Variants in EYS observed in about 807,000 individuals in gnomAD.
EYS encodes EGF-like photoreceptor maintenance factor.
EYS carries 250 observed loss-of-function variants against 282.1 expected under a neutral mutation model. The ratio of observed to expected loss-of-function variants is 0.89; its 90% confidence interval spans 0.80 to 0.98. EYS has a LOEUF of 0.98. EYS is among the 50% of genes least tolerant of loss of function. The pLI is 0.00. For missense variants in EYS, 4,016 were observed against 3,709.0 expected, an observed-to-expected ratio of 1.08 and a Z score of -2.15; for synonymous variants, 1,355 against 1,282.9, an observed-to-expected ratio of 1.06 and a Z score of -1.20.
chr6:63,895,346 T>C (rs1005166774), intron 35 of EYS, among the ~76,000 whole-genome samples: 1 of 152,208 alleles, frequency 6.6e-6, no homozygotes, highest in Non-Finnish European at 1.5e-5. Context: ...CAATAATCAT[T>C]GAATTGGCAT....
chr6:65,560,702 T>C (rs971140475), intron 2 of EYS, among the ~76,000 whole-genome samples: 3 of 152,038 alleles, frequency 2.0e-5, no homozygotes, highest in Non-Finnish European at 2.9e-5. Flanking sequence ...AGTTAAAGCA[T>C]ATTAAATGGA....
intron 12 of EYS, among the ~76,000 whole-genome samples, chr6:65,181,336 A>G (rs1049733783): frequency 4.6e-5 from 7 of 152,194 alleles, no homozygotes; most frequent in African/African-American, 1.7e-4. Context: ...TCCAGAATCT[A>G]CAATGGACTC....
At chr6:65,371,107 A>T (rs1019687282) in intron 8 of EYS, among the ~76,000 whole-genome samples, 1 of 151,800 alleles carries the variant, frequency 6.6e-6, no homozygotes. Context: ...GATTCAACCA[A>T]CTGTGGCTGA....
At chr6:64,824,587 T>A (rs1054943365) in intron 19 of EYS, among the ~76,000 whole-genome samples, 1 of 151,896 alleles carries the variant, frequency 6.6e-6, no homozygotes, top group Non-Finnish European at 1.5e-5. Flanking sequence ...TCCGTATCAC[T>A]ATGTAGAATG....
intron 13 of EYS, among the ~76,000 whole-genome samples, chr6:65,052,378 A>C (rs1441837224): frequency 6.6e-6 from 1 of 151,552 alleles, no homozygotes; most frequent in African/African-American, 2.4e-5. Context: ...CCCCTACTTA[A>C]TACATTTTGT....
chr6:64,071,465 C>T (rs1322680653), intron 32 of EYS, among the ~76,000 whole-genome samples: 3 of 151,172 alleles, frequency 2.0e-5, no homozygotes, highest in Non-Finnish European at 4.4e-5. Context: ...ATGTTTGTGC[C>T]CCTTGAATTG....
rs540673778 is a variant in EYS, at chr6:64,544,721, C to T, written c.5644+45502G>A. Reference sequence around the variant, plus strand: ...CCAATCCCACAAATATACAAACTACCGTCAGAGAATACTATAAAAACCTCT... The same window carrying T: ...CCAATCCCACAAATATACAAACTACTGTCAGAGAATACTATAAAAACCTCT... On this transcript the variant is annotated intron_variant, in intron 26 of 42. Coordinates refer to ENST00000503581, the MANE Select transcript of EYS (RefSeq NM_001142800.2). Among the ~76,000 whole-genome samples, 7 of 152,144 alleles carry T rather than the reference C, an allele frequency of 4.6e-5. No individual in the cohort carries two copies. In the South Asian group the frequency reaches 1.2e-3, roughly 27 times the overall value.
intron 13 of EYS, among the ~76,000 whole-genome samples, chr6:65,053,463 T>G (rs1484171985): frequency 1.3e-5 from 2 of 151,616 alleles, no homozygotes; most frequent in Non-Finnish European, 3.0e-5. Flanking sequence ...GGGGTAAGAG[T>G]CATCTACTTC....
intron 31 of EYS, among the ~76,000 whole-genome samples, chr6:64,207,183 T>C (rs1476790164): frequency 1.3e-5 from 2 of 151,996 alleles, no homozygotes; most frequent in Non-Finnish European, 2.9e-5. Context: ...AGTAGATTAA[T>C]GCTATTATCC....
At chr6:64,712,320 GT>G (rs1226747773) in intron 22 of EYS, among the ~76,000 whole-genome samples, 1 of 152,198 alleles carries the variant, frequency 6.6e-6, no homozygotes, top group Non-Finnish European at 1.5e-5. Flanking sequence ...ACTTCATAAA[GT>G]GTCTTAGTTA....
intron 2 of EYS, among the ~76,000 whole-genome samples, chr6:65,621,987 T>C (rs1365108475): frequency 6.6e-6 from 1 of 152,028 alleles, no homozygotes; most frequent in Admixed American, 6.6e-5. Context: ...ATAGAAAAAA[T>C]AATAAAACTA....
chr6:64,165,862 G>A (rs1258648336), intron 31 of EYS, among the ~76,000 whole-genome samples: 1 of 152,140 alleles, frequency 6.6e-6, no homozygotes, highest in Non-Finnish European at 1.5e-5. Context: ...TAAAAGCAAT[G>A]TTTATATAAG....
At chr6:65,229,271 CA>C (rs5876950) in intron 12 of EYS, among the ~76,000 whole-genome samples, 100,092 of 150,984 alleles carry the variant, frequency 0.66, 34,500 homozygotes, top group East Asian at 0.89. Flanking sequence ...GCTAGATAAA[CA>C]AAAAAGAAAA....
chr6:65,403,405 T>TATC (rs200864867), intron 6 of EYS, among the ~76,000 whole-genome samples: 1 of 151,642 alleles, frequency 6.6e-6, no homozygotes, highest in South Asian at 2.1e-4. Context: ...TTGTTATCCT[T>TATC]ATCATCATCA....
intron 12 of EYS, among the ~76,000 whole-genome samples, chr6:65,201,151 T>C (rs1319342702): frequency 2.6e-5 from 4 of 152,130 alleles, no homozygotes; most frequent in East Asian, 1.9e-4. Context: ...CAGTTTACTA[T>C]AGGTAAAATC....
Position 64,252,232 on chromosome 6 carries a change from C to G in EYS, c.6192-21408G>C, listed in dbSNP as rs1767241474. Among the ~76,000 whole-genome samples the G allele has an allele frequency of 3.9e-5, 6 of 152,090 alleles. 1 individual carries two copies. The highest frequency in any genetic ancestry group is 3.3e-4 in the Admixed American group (5 of 15,248). ...GGCCCCTGAGCTCTCACCCTCTGCA[C>G]TCTCCATGCCCCATCCTCTTTCATT... On this transcript the variant is annotated intron_variant, in intron 30 of 42. Coordinates refer to ENST00000503581, the MANE Select transcript of EYS (RefSeq NM_001142800.2).
At chr6:64,212,777 A>T (rs1366768342) in intron 31 of EYS, among the ~76,000 whole-genome samples, 2 of 152,172 alleles carry the variant, frequency 1.3e-5, no homozygotes, top group African/African-American at 4.8e-5. Context: ...CCAAAAGAAT[A>T]TAAATGATTC....
chr6:64,048,481 C>T (rs929986304), intron 33 of EYS, among the ~76,000 whole-genome samples: 2 of 151,976 alleles, frequency 1.3e-5, no homozygotes, highest in African/African-American at 2.4e-5. Flanking sequence ...CCTGAGCTGG[C>T]CTAGAAAAGC....
intron 28 of EYS, among the ~76,000 whole-genome samples, chr6:64,406,296 T>C (rs1773704987): frequency 6.6e-6 from 1 of 152,190 alleles, no homozygotes; most frequent in Non-Finnish European, 1.5e-5. Flanking sequence ...CCTTACATCT[T>C]ATACAAAAAT....
Sources: allele counts gnomAD v4.1 joint callset (sites outside exome capture counted in the v4.1 genomes callset), GRCh38; gene constraint gnomAD v4.1.1; transcripts MANE v1.5; gene names NCBI Gene and HGNC (gene_info 2026-07-23, HGNC 2026-07-21).